The following ITGA7 variants were observed in gnomAD, a reference collection of about 807,000 sequenced individuals.
ITGA7 encodes integrin subunit alpha 7, also known as integrin alpha-7.
In ITGA7, 84 loss-of-function variants were observed where a neutral mutation model predicts 131.6. That is an observed-to-expected ratio of 0.64 (90% confidence interval 0.54 to 0.77). The LOEUF (loss-of-function observed/expected upper bound fraction) is 0.77, where lower values mean the gene tolerates loss of function less well. Among genes scored for constraint, ITGA7 ranks in the 30% least tolerant of loss-of-function variants. ITGA7 has a pLI of 0.00. For missense variants in ITGA7, 1,399 were observed against 1,482.9 expected, an observed-to-expected ratio of 0.94 and a Z score of 0.93; for synonymous variants, 548 against 600.7, an observed-to-expected ratio of 0.91 and a Z score of 1.28.
rs1395133789 is a variant in ITGA7 at position 55,688,971 on chromosome 12, C to T, written c.2845-14G>A. 6.2e-6 allele frequency: 10 copies of T among 1,605,758 alleles called. No homozygotes were observed. Among genetic ancestry groups the T allele is most frequent in the Non-Finnish European group, 8.5e-6 (10 of 1,172,582 alleles). ...CCGGGCGCAGTCCTAGGGATAAGGA[C>T]AGACAGGGGTCTAAGCCACTCAGCT... On this transcript the variant is annotated splice_polypyrimidine_tract_variant and intron_variant, in intron 21 of 24. Coordinates refer to ENST00000257879, the MANE Select transcript of ITGA7 (RefSeq NM_002206.3).
chr12:55,687,302 C>G (rs1870400956), intron 24 of ITGA7, among the ~76,000 whole-genome samples: 1 of 150,618 alleles, frequency 6.6e-6, no homozygotes, highest in South Asian at 2.1e-4. Context: ...CTCAGCCTCC[C>G]AAGTAGCTGG....
chr12:55,695,420 G>T, intron 14 of ITGA7, 102 bp downstream of exon 14: 1 of 845,322 alleles, frequency 1.2e-6, no homozygotes, highest in Non-Finnish European at 1.9e-6. Context: ...TGCCTTTTCT[G>T]CAGGCTCAGC....
intron 1 of ITGA7, among the ~76,000 whole-genome samples, chr12:55,704,540 C>T (rs1375366724): frequency 1.3e-5 from 2 of 152,208 alleles, no homozygotes; most frequent in African/African-American, 4.8e-5. Flanking sequence ...AGATCCGAGG[C>T]TAGACACCAG....
upstream of ITGA7, among the ~76,000 whole-genome samples, chr12:55,711,487 A>C (rs904435166): frequency 6.6e-6 from 1 of 151,878 alleles, no homozygotes; most frequent in Non-Finnish European, 1.5e-5. Flanking sequence ...CAAAAAAAAA[A>C]AAAAATTTAA....
In ITGA7 at chr12:55,707,588, A is replaced by T. The variant is rs1017558782; in HGVS notation, c.95T>A (p.Val32Asp). 1 of 1,613,746 alleles carries T rather than the reference A, an allele frequency of 6.2e-7. No homozygotes were observed. The highest frequency in any genetic ancestry group is 8.5e-7 in the Non-Finnish European group (1 of 1,179,836). ...LLVELLFSRA[V>D]AFNLDVMGAL... ...ACCCATCACGTCCAGATTGAAGGCG[A>T]CAGCCCGTGAGAAGAGCAGTTCGAC... is the stretch of plus-strand genomic sequence containing the variant. The change falls in exon 1 of 25, where the codon GTC (valine) becomes GAC (aspartate). Residue 32 changes from valine (V) to aspartate (D), a missense_variant. Val to Asp is a radical substitution (Grantham distance 152). Coordinates refer to ENST00000257879, the MANE Select transcript of ITGA7 (RefSeq NM_002206.3).
chr12:55,698,232 G>A, intron 7 of ITGA7, 151 bp downstream of exon 7: 1 of 898,750 alleles, frequency 1.1e-6, no homozygotes, highest in Non-Finnish European at 1.7e-6. Context: ...ACTTGCCAAG[G>A]TCAGAAAGCT....
In ITGA7 at chr12:55,694,589, G is replaced by T; in HGVS notation, c.2277+26C>A. Reference sequence around the variant, plus strand: ...ACGGGCTTATGGAGAGGCTACTCACGTAGGGATAAGGGCAGATGTGCCAAC... The same window carrying T: ...ACGGGCTTATGGAGAGGCTACTCACTTAGGGATAAGGGCAGATGTGCCAAC... On this transcript the variant is annotated intron_variant, in intron 16 of 24. Coordinates refer to ENST00000257879, the MANE Select transcript of ITGA7 (RefSeq NM_002206.3). This position sits in a 1 kb window ranked among gnomAD's most constrained non-coding sequence, Gnocchi z 5.3. 1 of 1,613,314 alleles carries T rather than the reference G, an allele frequency of 6.2e-7. No homozygotes were observed. The highest frequency in any genetic ancestry group is 8.5e-7 in the Non-Finnish European group (1 of 1,179,224).
intron 24 of ITGA7, 60 bp from the exon 25 acceptor site, chr12:55,685,348 T>C (rs1869862011): frequency 6.8e-7 from 1 of 1,475,542 alleles, no homozygotes; most frequent in Non-Finnish European, 9.4e-7. Flanking sequence ...CTGGAGCAGA[T>C]GCCTAGCGCG....
At chr12:55,695,401 T>A in intron 14 of ITGA7, 121 bp downstream of exon 14, 3 of 745,458 alleles carry the variant, frequency 4.0e-6, no homozygotes, top group Non-Finnish European at 6.9e-6. Flanking sequence ...CAGGTCCTCT[T>A]CCACCTTCTG....
At chr12:55,714,709 TACATATATACATATACATACATATATAC>T (rs1565650570), upstream of ITGA7, among the ~76,000 whole-genome samples, 5 of 126,464 alleles carry the variant, frequency 4.0e-5, no homozygotes, top group African/African-American at 1.1e-4. Flanking sequence ...ATTTTATATA[TACATATATACATATACATACATATATAC>T]ACATATATAC....
chr12:55,687,919 T>A (rs1413723056), intron 24 of ITGA7, 52 bp downstream of exon 24: 2 of 1,612,466 alleles, frequency 1.2e-6, no homozygotes, highest in Non-Finnish European at 1.7e-6. Context: ...TACAAAATGC[T>A]GCTCACCCAA....
chr12:55,706,632 C>A (rs1484754785), intron 1 of ITGA7, among the ~76,000 whole-genome samples: 1 of 145,616 alleles, frequency 6.9e-6, no homozygotes. Flanking sequence ...AGTCACAGGC[C>A]CCTCACAAAA....
chr12:55,716,316 A>G (rs151091143), upstream of ITGA7: 1,727 of 1,505,946 alleles, frequency 1.1e-3, 19 homozygotes, highest in African/African-American at 0.022. Flanking sequence ...GGCAACGGGC[A>G]TGGGGGAGAG....
chr12:55,701,594 T>C (rs933455499), intron 3 of ITGA7, among the ~76,000 whole-genome samples: 2 of 152,074 alleles, frequency 1.3e-5, no homozygotes, highest in Non-Finnish European at 2.9e-5. Flanking sequence ...TTTTTTTTTT[T>C]TTTTGAAGCA....
chr12:55,700,153 G>T, intron 4 of ITGA7, 164 bp from the exon 5 acceptor site: 1 of 1,422,292 alleles, frequency 7.0e-7, no homozygotes. Flanking sequence ...GACAGAGAGA[G>T]ACAAGGTGAG....
rs758279149 is a variant in ITGA7 at position 55,694,673 on chromosome 12, T to C, written c.2219A>G (p.Asn740Ser). The change falls in exon 16 of 25, where the codon AAT becomes AGT. Residue 740 changes from asparagine to serine, a missense_variant. Coordinates refer to ENST00000257879, the MANE Select transcript of ITGA7 (RefSeq NM_002206.3). This position sits in a 1 kb window ranked among gnomAD's most constrained non-coding sequence, Gnocchi z 5.3. The part of the protein sequence containing the change: ...DPAEKPLCLS[N>S]ENASHVECEL... ...ACACTCAACATGGGAGGCATTCTCA[T>C]TGGACAGGCAGAGTGGCTTCTCCTG... 1.9e-6 allele frequency: 3 copies of C among 1,614,162 alleles called. No individual in the cohort carries two copies. Among genetic ancestry groups the C allele is most frequent in the East Asian group, 2.2e-5 (1 of 44,874 alleles).
upstream of ITGA7, among the ~76,000 whole-genome samples, chr12:55,713,974 T>C (rs1225881253): frequency 6.6e-6 from 1 of 152,222 alleles, no homozygotes; most frequent in Non-Finnish European, 1.5e-5. Context: ...ACTATGCCAA[T>C]GAATCACAAA....
At position 55,685,218 on chromosome 12, in the gene ITGA7, C is replaced by T. The variant is rs757690460; in HGVS notation, c.3254G>A (p.Arg1085Gln). 50 of 1,614,080 alleles carry T rather than the reference C, an allele frequency of 3.1e-5. 1 individual carries two copies. In the South Asian group the frequency reaches 3.2e-4, roughly 10 times the overall value. ...VPQYHAVKIP[R>Q]EDRQQFKEEK... ...CTCCTTGAACTGCTGTCGGTCTTCCCGAGGAATCTTCACCGCATGGTACTG... is the reference window on the plus strand; with the variant it reads ...CTCCTTGAACTGCTGTCGGTCTTCCTGAGGAATCTTCACCGCATGGTACTG... Residue 1085 changes from arginine to glutamine, a missense_variant, in exon 25 of 25, where the codon CGG (arginine) becomes CAG (glutamine). Coordinates refer to ENST00000257879, the MANE Select transcript of ITGA7 (RefSeq NM_002206.3).
chr12:55,697,919 TC>T lies in ITGA7; in HGVS notation c.1281+18del. On this transcript the variant is annotated intron_variant, in intron 8 of 24. Coordinates refer to ENST00000257879, the MANE Select transcript of ITGA7 (RefSeq NM_002206.3). ...GATTCCACCCACACCCATTCCCTCATCCCAGCGACTCCCCTCACCTGTGAAG... is the reference window on the plus strand; with the variant it reads ...GATTCCACCCACACCCATTCCCTCATCCAGCGACTCCCCTCACCTGTGAAG... 1 of 1,613,886 alleles carries T rather than the reference TC, an allele frequency of 6.2e-7. No individual in the cohort carries two copies. The highest frequency in any genetic ancestry group is 1.1e-5 in the South Asian group (1 of 91,072).
Sources: gnomAD v4.1 joint callset for allele counts (sites outside exome capture counted in the v4.1 genomes callset) on GRCh38, gnomAD v4.1.1 for gene constraint, Gnocchi (gnomAD v3.1) non-coding constraint, MANE v1.5 for transcripts, NCBI Gene and HGNC (gene_info 2026-07-23, HGNC 2026-07-21) for gene names.